The following ELMO1 variants were observed in gnomAD, a reference collection of about 807,000 sequenced individuals.
ELMO1 encodes engulfment and cell motility 1, also known as engulfment and cell motility protein 1.
Under a neutral mutation model 98.9 loss-of-function variants are expected in ELMO1, and 26 were observed. The observed-to-expected ratio is 0.26, with a 90% CI of 0.19 to 0.36. The LOEUF (loss-of-function observed/expected upper bound fraction) is 0.36, where lower values mean the gene tolerates loss of function less well. Among genes scored for constraint, ELMO1 ranks in the 10% least tolerant of loss-of-function variants. The pLI, the probability that ELMO1 is intolerant of heterozygous loss-of-function variation, is 1.00. For synonymous variants in ELMO1, 346 were observed against 346.0 expected, an observed-to-expected ratio of 1.00 and a Z score of 0.00; for missense variants, 627 against 935.2, an observed-to-expected ratio of 0.67 and a Z score of 4.30.
intron 4 of ELMO1, among the ~76,000 whole-genome samples, chr7:37,275,459 A>G (rs1473576952): frequency 6.6e-6 from 1 of 152,212 alleles, no homozygotes; most frequent in East Asian, 1.9e-4. Flanking sequence ...GCTGGGCTCA[A>G]TTCCTGCTCT....
chr7:36,967,084 C>T (rs1789500116), intron 16 of ELMO1, among the ~76,000 whole-genome samples: 1 of 151,632 alleles, frequency 6.6e-6, no homozygotes, highest in African/African-American at 2.4e-5. Flanking sequence ...CACTGGAGGA[C>T]ATTATAACAA....
chr7:36,863,144 G>A (rs1802761673), intron 20 of ELMO1, among the ~76,000 whole-genome samples: 1 of 152,080 alleles, frequency 6.6e-6, no homozygotes, highest in Non-Finnish European at 1.5e-5. Context: ...ACACTCAAAA[G>A]GTCTCCTCAC....
At chr7:36,993,979 C>T (rs1792034458) in intron 16 of ELMO1, among the ~76,000 whole-genome samples, 2 of 152,316 alleles carry the variant, frequency 1.3e-5, no homozygotes. Context: ...GACCTCTCAG[C>T]TATTCTGAAC....
At chr7:36,876,750 G>T (rs1804017867) in intron 19 of ELMO1, among the ~76,000 whole-genome samples, 1 of 152,188 alleles carries the variant, frequency 6.6e-6, no homozygotes, top group African/African-American at 2.4e-5. Context: ...TCATTTACAG[G>T]TAGAGGCCCA....
chr7:37,079,313 A>G (rs965714801), intron 15 of ELMO1, among the ~76,000 whole-genome samples: 5 of 152,162 alleles, frequency 3.3e-5, no homozygotes, highest in African/African-American at 1.2e-4. Flanking sequence ...TACCTCTCAA[A>G]CTATCTGCAG....
chr7:37,300,975 C>T (rs1798309642), intron 4 of ELMO1, among the ~76,000 whole-genome samples: 1 of 152,002 alleles, frequency 6.6e-6, no homozygotes, highest in African/African-American at 2.4e-5. Context: ...AGAGATTCAA[C>T]TTCTTCCTGG....
Position 37,342,293 on chromosome 7 carries a change from G to A in ELMO1, c.78+320C>T, listed in dbSNP as rs1443735348. Among the ~76,000 whole-genome samples, 1 of 152,174 alleles carries A rather than the reference G, an allele frequency of 6.6e-6. No homozygotes were observed. Among genetic ancestry groups the A allele is most frequent in the African/African-American group, 2.4e-5 (1 of 41,426 alleles). ...GTTCCAACAATCTGCACATATCCAT[G>A]TGTCATGGCAAGGCAGGGATGGGGC... On this transcript the variant is annotated intron_variant, in intron 2 of 21. Coordinates refer to ENST00000310758, the MANE Select transcript of ELMO1 (RefSeq NM_014800.11). This position sits in a 1 kb window ranked among gnomAD's most constrained non-coding sequence, Gnocchi z 4.3.
intron 18 of ELMO1, among the ~76,000 whole-genome samples, chr7:36,885,416 C>T (rs1020653502): frequency 6.6e-6 from 1 of 152,200 alleles, no homozygotes; most frequent in African/African-American, 2.4e-5. Context: ...CTACCCACTT[C>T]AACCTAGTCA....
At chr7:37,326,200 C>T (rs982877349) in intron 2 of ELMO1, among the ~76,000 whole-genome samples, 3 of 152,106 alleles carry the variant, frequency 2.0e-5, no homozygotes, top group African/African-American at 7.2e-5. Flanking sequence ...TCAAAAATGA[C>T]AAAGGGGGCT....
At chr7:37,284,264 CT>C (rs1797283614) in intron 4 of ELMO1, among the ~76,000 whole-genome samples, 1 of 152,166 alleles carries the variant, frequency 6.6e-6, no homozygotes, top group African/African-American at 2.4e-5. Flanking sequence ...TAGGTCAGTT[CT>C]CTCCCCTCCT....
At position 36,958,931 on chromosome 7, in the gene ELMO1, T is replaced by A. The variant is rs114459344; in HGVS notation, c.1437+54368A>T. ...AACCTCTGCCTTGAACTCAGATGCATCTATTCCACTGCTTTCTCTATATCT... is the reference window on the plus strand; with the variant it reads ...AACCTCTGCCTTGAACTCAGATGCAACTATTCCACTGCTTTCTCTATATCT... On this transcript the variant is annotated intron_variant, in intron 16 of 21. Coordinates refer to ENST00000310758, the MANE Select transcript of ELMO1 (RefSeq NM_014800.11). Among the ~76,000 whole-genome samples the A allele has an allele frequency of 4.3e-3, 652 of 152,128 alleles. 11 individuals are homozygous for A. Among genetic ancestry groups the A allele is most frequent in the African/African-American group, 0.015 (622 of 41,500 alleles).
rs1218913430 is a variant in ELMO1, at chr7:37,418,732, C to CAG, written c.-74+29941_-74+29942dup. On this transcript the variant is annotated intron_variant, in intron 1 of 21. Transcript: ENST00000310758. ...TGGAGATGGAAAATCCAGAAACACA[C>CAG]AGATGCGGGCAGGCAGAATCACAGA... is the stretch of plus-strand genomic sequence containing the variant. Among the ~76,000 whole-genome samples the CAG allele has an allele frequency of 2.6e-5, 4 of 152,160 alleles. No homozygotes were observed. The East Asian group carries it at 7.7e-4, about 29-fold the overall frequency.
chr7:37,115,189 C>A (rs1485491404), intron 14 of ELMO1, among the ~76,000 whole-genome samples: 2 of 152,110 alleles, frequency 1.3e-5, no homozygotes, highest in African/African-American at 4.8e-5. Flanking sequence ...GAAAATGATA[C>A]CAATTCTCTA....
At chr7:37,010,377 T>A (rs1352185943) in intron 16 of ELMO1, among the ~76,000 whole-genome samples, 1 of 152,128 alleles carries the variant, frequency 6.6e-6, no homozygotes, top group Admixed American at 6.5e-5. Context: ...CACAGGGGAA[T>A]TGGGGTTGCA....
At chr7:37,044,941 G>T (rs1795718450) in intron 15 of ELMO1, among the ~76,000 whole-genome samples, 1 of 152,300 alleles carries the variant, frequency 6.6e-6, no homozygotes, top group Admixed American at 6.5e-5. Flanking sequence ...TAATTTCCAC[G>T]CTAGGTGTTG....
At chr7:37,170,615 C>CTTTTT (rs543000463) in intron 13 of ELMO1, among the ~76,000 whole-genome samples, 1 of 137,932 alleles carries the variant, frequency 7.2e-6, no homozygotes. Context: ...TCCTTGCTTG[C>CTTTTT]TTTTTTTTTT....
chr7:37,132,352 C>A (rs1234626942), intron 14 of ELMO1, among the ~76,000 whole-genome samples: 1 of 152,202 alleles, frequency 6.6e-6, no homozygotes, highest in African/African-American at 2.4e-5. Flanking sequence ...TAACCACTCA[C>A]CAATTCCCCT....
intron 13 of ELMO1, among the ~76,000 whole-genome samples, chr7:37,189,588 C>T (rs1035174): frequency 1 from 151,834 of 152,324 alleles, 75,675 homozygotes; most frequent in Middle Eastern, 1. Flanking sequence ...GGTATGTAAC[C>T]GTGGTTATTC....
chr7:36,867,962 G>A (rs1344890703), intron 20 of ELMO1, among the ~76,000 whole-genome samples: 2 of 152,178 alleles, frequency 1.3e-5, no homozygotes, highest in African/African-American at 4.8e-5. Flanking sequence ...TTGAGCTTGT[G>A]AAGGATGTGT....
Sources: allele counts gnomAD v4.1 joint callset (sites outside exome capture counted in the v4.1 genomes callset), GRCh38; gene constraint gnomAD v4.1.1; non-coding constraint Gnocchi (gnomAD v3.1); transcripts MANE v1.5; gene names NCBI Gene and HGNC (gene_info 2026-07-23, HGNC 2026-07-21).